SYNCRIP: variants seen among roughly 807,000 people sequenced by gnomAD.
The protein encoded by SYNCRIP is heterogeneous nuclear ribonucleoprotein Q.
A neutral mutation model predicts 68.9 loss-of-function variants in SYNCRIP; 9 were observed. That is an observed-to-expected ratio of 0.13 (90% CI 0.08 to 0.23). The LOEUF (loss-of-function observed/expected upper bound fraction) is 0.23, where lower values mean the gene tolerates loss of function less well. Among genes scored for constraint, SYNCRIP ranks in the 10% least tolerant of loss-of-function variants. The pLI is 1.00. For missense variants in SYNCRIP, 414 were observed against 770.6 expected (o/e 0.54, Z 5.48); for synonymous variants, 258 against 254.0 (o/e 1.02, Z -0.15).
At chr6:85,637,611 G>A (rs1227439299) in intron 4 of SYNCRIP, among the ~76,000 whole-genome samples, 1 of 152,150 alleles carries the variant, frequency 6.6e-6, no homozygotes, top group Non-Finnish European at 1.5e-5. Flanking sequence ...TGTGCTTAAT[G>A]GACAACAAAA....
chr6:85,636,869 T>C, intron 6 of SYNCRIP, 98 bp downstream of exon 6: 2 of 1,252,898 alleles, frequency 1.6e-6, no homozygotes, highest in Non-Finnish European at 1.1e-6. Flanking sequence ...AATCAGTACT[T>C]CAAAAAATGT....
chr6:85,632,641 T>TA (rs139581716), intron 6 of SYNCRIP, among the ~76,000 whole-genome samples: 2,601 of 151,714 alleles, frequency 0.017, 67 homozygotes, highest in African/African-American at 0.058. Context: ...AGCATCCTTT[T>TA]AAAAAAAAAG....
chr6:85,613,920 T>C (rs944316778), downstream of SYNCRIP: 2 of 961,926 alleles, frequency 2.1e-6, no homozygotes, highest in African/African-American at 3.5e-5. Flanking sequence ...GAATTTGTCC[T>C]TTTATACAGT....
rs1308533588 is a variant in SYNCRIP, at chr6:85,622,641, T to C, written c.849A>G (p.Lys283=). The part of the protein sequence containing the change: ...VILYHQPDDK[K]KNRGFCFLEY... ...CAAGAAAGCAAAAGCCTCTGTTTTT[T>C]TTCTTGTCATCCGGTTGGTGGTATA... Residue 283 remains lysine (K), a synonymous_variant, in exon 8 of 11, where the codon AAA becomes AAG. Coordinates refer to ENST00000369622, the MANE Select transcript of SYNCRIP (RefSeq NM_006372.5). 6.2e-7 allele frequency: 1 copy of C among 1,614,108 alleles called. No individual in the cohort carries two copies. Among genetic ancestry groups the C allele is most frequent in the African/African-American group, 1.3e-5 (1 of 74,938 alleles).
Position 85,626,218 on chromosome 6 carries a change from G to T in SYNCRIP, c.667-2106C>A, listed in dbSNP as rs370745227. On this transcript the variant is annotated intron_variant, in intron 6 of 10. Coordinates refer to ENST00000369622, the MANE Select transcript of SYNCRIP (RefSeq NM_006372.5). ...CAAGTAGATTATAATGCCTTATTTT[G>T]CAAGTAAAATTAAACTAAGAACACA... Among the ~76,000 whole-genome samples the T allele has an allele frequency of 1.2e-4, 19 of 152,220 alleles. No homozygotes were observed. In the East Asian group the frequency reaches 3.3e-3, roughly 26 times the overall value.
intron 6 of SYNCRIP, among the ~76,000 whole-genome samples, chr6:85,634,420 A>C (rs1369521425): frequency 6.6e-6 from 1 of 152,212 alleles, no homozygotes; most frequent in Non-Finnish European, 1.5e-5. Flanking sequence ...CATAATGTTA[A>C]AAAATGGATG....
At chr6:85,623,562 C>CAAAAAAAAAAAAAAA (rs67258131) in intron 7 of SYNCRIP, among the ~76,000 whole-genome samples, 9 of 63,256 alleles carry the variant, frequency 1.4e-4, no homozygotes, top group African/African-American at 6.1e-4. Flanking sequence ...AGACTGTCTC[C>CAAAAAAAAAAAAAAA]AAAAAAAAAA....
upstream of SYNCRIP, chr6:85,643,164 A>T (rs557491228): frequency 7.5e-6 from 1 of 133,246 alleles, no homozygotes; most frequent in Non-Finnish European, 1.6e-5. Flanking sequence ...CCGCTCCTTT[A>T]CCCCACTGCT....
At chr6:85,636,860 A>G in intron 6 of SYNCRIP, 107 bp downstream of exon 6, 1 of 1,132,082 alleles carries the variant, frequency 8.8e-7, no homozygotes, top group Non-Finnish European at 1.2e-6. Context: ...ACCTGCCTAA[A>G]TCAGTACTTC....
Position 85,640,545 on chromosome 6 carries a change from A to G in SYNCRIP, c.168T>C (p.Asp56=), listed in dbSNP as rs760637520. 5.7e-6 allele frequency: 9 copies of G among 1,592,918 alleles called. No individual in the cohort carries two copies. The East Asian group carries it at 1.8e-4, about 32-fold the overall frequency. ...AAGCTTCAATAGCTCTTTCATCTAA[A>G]TCACTATGTGCAACTAGCCCTGAAA... The part of the protein sequence containing the change: ...IYVAGLVAHS[D]LDERAIEALK... The change falls in exon 3 of 11, where the codon GAT becomes GAC. Residue 56 remains aspartate (D), a synonymous_variant. Coordinates refer to ENST00000369622, the MANE Select transcript of SYNCRIP (RefSeq NM_006372.5).
chr6:85,638,599 A>C (rs1218146151), intron 4 of SYNCRIP, among the ~76,000 whole-genome samples: 3 of 152,176 alleles, frequency 2.0e-5, no homozygotes, highest in Non-Finnish European at 4.4e-5. Context: ...GGGTCACCTC[A>C]GTCTCTGAAA....
At chr6:85,641,837 G>C (rs1041566902) in intron 1 of SYNCRIP, among the ~76,000 whole-genome samples, 21 of 152,122 alleles carry the variant, frequency 1.4e-4, no homozygotes, top group Non-Finnish European at 2.6e-4. Flanking sequence ...CAAAGTGCGC[G>C]CTTTTCCCGC....
chr6:85,632,863 G>A (rs1807965724), intron 6 of SYNCRIP, among the ~76,000 whole-genome samples: 1 of 152,110 alleles, frequency 6.6e-6, no homozygotes, highest in East Asian at 1.9e-4. Flanking sequence ...CGTAAGCCCG[G>A]GAGTTCAAGG....
intron 1 of SYNCRIP, 103 bp from the exon 2 acceptor site, chr6:85,641,554 T>C (rs937102444): frequency 1.2e-5 from 14 of 1,165,642 alleles, no homozygotes; most frequent in Admixed American, 1.0e-4. Context: ...CTACACCAGC[T>C]AGCCTATACC....
At chr6:85,631,148 G>C (rs1807726621) in intron 6 of SYNCRIP, among the ~76,000 whole-genome samples, 1 of 152,126 alleles carries the variant, frequency 6.6e-6, no homozygotes, top group Admixed American at 6.5e-5. Context: ...TTCGAGACCA[G>C]CCTGGCCAAC....
chr6:85,620,058 C>G (rs1458919257), intron 8 of SYNCRIP, among the ~76,000 whole-genome samples: 1 of 152,134 alleles, frequency 6.6e-6, no homozygotes, highest in African/African-American at 2.4e-5. Flanking sequence ...ACCAGCCTGG[C>G]CAACACAGTA....
intron 2 of SYNCRIP, 130 bp downstream of exon 2, chr6:85,641,154 AAATTAACC>A: frequency 1.5e-6 from 1 of 677,000 alleles, no homozygotes; most frequent in East Asian, 2.7e-5. Flanking sequence ...CTTCAAACTT[AAATTAACC>A]AACTATCACA....
At chr6:85,620,630 C>G (rs967168250) in intron 8 of SYNCRIP, among the ~76,000 whole-genome samples, 6 of 152,170 alleles carry the variant, frequency 3.9e-5, no homozygotes, top group Non-Finnish European at 5.9e-5. Flanking sequence ...TAGAGTGAGA[C>G]CTCATGTAAA....
intron 6 of SYNCRIP, among the ~76,000 whole-genome samples, chr6:85,626,843 A>C (rs1042868679): frequency 2.0e-5 from 3 of 152,330 alleles, no homozygotes; most frequent in African/African-American, 4.8e-5. Flanking sequence ...ATGCTAATCA[A>C]GTTAGCCAAG....
Sources: allele counts gnomAD v4.1 joint callset (sites outside exome capture counted in the v4.1 genomes callset), GRCh38; gene constraint gnomAD v4.1.1; transcripts MANE v1.5; gene names NCBI Gene and HGNC (gene_info 2026-07-23, HGNC 2026-07-21).